Variants in DBF4B observed in about 807,000 individuals in gnomAD.
DBF4B encodes DBF4B-CDC7 kinase regulatory subunit.
A neutral mutation model predicts 53.4 loss-of-function variants in DBF4B; 49 were observed. The ratio of observed to expected loss-of-function variants is 0.92; its 90% CI spans 0.73 to 1.16. DBF4B has a LOEUF of 1.16. Among genes scored for constraint, DBF4B ranks in the 50% most tolerant of loss-of-function variants. The pLI is 0.00. For missense variants in DBF4B, 692 were observed against 775.0 expected, an observed-to-expected ratio of 0.89 and a Z score of 1.27; for synonymous variants, 257 against 288.7, an observed-to-expected ratio of 0.89 and a Z score of 1.11.
chr17:44,745,364 A>G (rs1976494185), intron 10 of DBF4B, among the ~76,000 whole-genome samples: 1 of 152,198 alleles, frequency 6.6e-6, no homozygotes, highest in South Asian at 2.1e-4. Flanking sequence ...GTCCATTTTC[A>G]TACTGCTATA....
At chr17:44,711,714 C>A (rs910082469) in intron 2 of DBF4B, among the ~76,000 whole-genome samples, 4 of 151,768 alleles carry the variant, frequency 2.6e-5, no homozygotes, top group Non-Finnish European at 5.9e-5. Context: ...TTTGGGAGGC[C>A]GAGGCAGGGG....
intron 2 of DBF4B, among the ~76,000 whole-genome samples, chr17:44,711,690 T>G (rs1387233153): frequency 6.6e-6 from 1 of 152,072 alleles, no homozygotes; most frequent in Non-Finnish European, 1.5e-5. Context: ...AGCTGACACC[T>G]GTAATCCCAG....
At chr17:44,711,586 C>T (rs537013732) in intron 2 of DBF4B, among the ~76,000 whole-genome samples, 62 of 151,786 alleles carry the variant, frequency 4.1e-4, no homozygotes, top group African/African-American at 1.3e-3. Flanking sequence ...CCAAGGCAGG[C>T]GGATCACCTG....
intron 2 of DBF4B, among the ~76,000 whole-genome samples, chr17:44,714,857 T>A (rs1973192625): frequency 1.3e-5 from 2 of 151,862 alleles, no homozygotes; most frequent in African/African-American, 4.8e-5. Context: ...CTTATTATTA[T>A]TATTTTTTTT....
chr17:44,730,916 T>C (rs1467926752), intron 4 of DBF4B, 49 bp from the exon 5 acceptor site: 1 of 1,604,434 alleles, frequency 6.2e-7, no homozygotes, highest in Non-Finnish European at 8.5e-7. Flanking sequence ...CATCTTTCAG[T>C]GCACAGGTGG....
At chr17:44,743,841 C>T (rs1057085045) in intron 10 of DBF4B, among the ~76,000 whole-genome samples, 1 of 151,334 alleles carries the variant, frequency 6.6e-6, no homozygotes, top group Admixed American at 6.6e-5. Context: ...AACTCCTGAC[C>T]TCGTGATCCA....
At chr17:44,746,248 A>G (rs953125591) in intron 10 of DBF4B, among the ~76,000 whole-genome samples, 4 of 150,920 alleles carry the variant, frequency 2.7e-5, no homozygotes, top group Admixed American at 6.6e-5. Flanking sequence ...AAAAAAAAAA[A>G]AAGAAGTCAG....
intron 12 of DBF4B, 122 bp downstream of exon 12, chr17:44,747,637 C>A (rs912720308): frequency 6.1e-6 from 8 of 1,317,362 alleles, no homozygotes; most frequent in Non-Finnish European, 8.2e-6. Flanking sequence ...TCTTTTCTCA[C>A]CTTCCTTTCC....
rs1164109493 is a variant in DBF4B at position 44,749,316 on chromosome 17, C to A, written c.1189+851C>A. Reference sequence around the variant, plus strand: ...CTGGCAGAGAGCTGCTCCTACGAGTCCCCAAGGTGCTTGGCTCTTCACAGG... The same window carrying A: ...CTGGCAGAGAGCTGCTCCTACGAGTACCCAAGGTGCTTGGCTCTTCACAGG... On this transcript the variant is annotated intron_variant, in intron 13 of 13. Transcript: ENST00000315005. This position sits in a 1 kb window ranked among gnomAD's most constrained non-coding sequence, Gnocchi z 4.4. 8.0e-5 allele frequency: 103 copies of A among 1,290,120 alleles called. No individual in the cohort carries two copies. Among genetic ancestry groups the A allele is most frequent in the Middle Eastern group, 4.3e-4 (2 of 4,696 alleles). The allele number at this position is 1,290,120 out of a possible 1,614,324, so 79.9% of individuals were successfully genotyped here. A position where few individuals can be genotyped will look rare whatever the true frequency, so the allele number is the denominator to read the frequency against.
chr17:44,729,683 T>TACAC (rs71361592), intron 3 of DBF4B, among the ~76,000 whole-genome samples: 11,870 of 138,074 alleles, frequency 0.086, 473 homozygotes, highest in Non-Finnish European at 0.11. Context: ...GTAATACACA[T>TACAC]ACACACACAC....
rs774736131 is a variant in DBF4B, at chr17:44,722,860, T to C, written c.83-20T>C. The C allele has an allele frequency of 3.7e-6, 6 of 1,612,066 alleles. No homozygotes were observed. In the South Asian group the frequency reaches 4.4e-5, roughly 12 times the overall value. On this transcript the variant is annotated intron_variant, in intron 2 of 13. Transcript: ENST00000315005. ...TCTCTTTTCAAACTTCTTACTTTGC[T>C]CCTCTTTATTGTTTTCTAGGAGTTT...
chr17:44,730,063 C>A lies in DBF4B; in HGVS notation c.384C>A (p.Ser128Arg), dbSNP rs1238328600. Residue 128 changes from serine (S) to arginine (R), a missense_variant, in exon 4 of 14, where the codon AGC (serine) becomes AGA (arginine). By Grantham distance (110) the Ser-to-Arg change is moderately radical. Transcript: ENST00000315005. ...ETSAMVDPKG[S>R]HPRPSRKPVD... is the part of the protein sequence containing the mutation. Reference sequence around the variant, plus strand: ...CGGCCATGGTTGATCCAAAAGGCAGCCACCCCAGGCCTTCACGGAAACCCG... The same window carrying A: ...CGGCCATGGTTGATCCAAAAGGCAGACACCCCAGGCCTTCACGGAAACCCG... The A allele has an allele frequency of 6.2e-7, 1 of 1,612,764 alleles. No individual in the cohort carries two copies. Among genetic ancestry groups the A allele is most frequent in the Non-Finnish European group, 8.5e-7 (1 of 1,180,014 alleles).
intron 12 of DBF4B, 133 bp downstream of exon 12, chr17:44,747,648 C>A: frequency 8.0e-7 from 1 of 1,257,586 alleles, no homozygotes; most frequent in South Asian, 1.5e-5. Context: ...CTTCCTTTCC[C>A]CTTATCCTCA....
In DBF4B at chr17:44,747,424, C is replaced by G. The variant is rs1209319971; in HGVS notation, c.973C>G (p.Leu325Val). The part of the protein sequence containing the change: ...LQSAQHRSFA[L>V]EAHLYAEVDR... ...GAGTGCCCAGCACCGGAGCTTTGCC[C>G]TGGAAGCCCATCTATATGCAGAAGT... The change falls in exon 12 of 14, where the codon CTG becomes GTG. Residue 325 changes from leucine to valine, a missense_variant. Physicochemically the swap from Leu to Val is conservative, Grantham distance 32. This residue lies in a region of DBF4B where 597 missense variants were observed against 665.8 expected (regional missense o/e 0.90). Transcript: ENST00000315005. 6.2e-7 allele frequency: 1 copy of G among 1,614,058 alleles called. No homozygotes were observed.
intron 2 of DBF4B, among the ~76,000 whole-genome samples, chr17:44,717,757 G>A (rs1015744444): frequency 6.6e-6 from 1 of 151,136 alleles, no homozygotes; most frequent in Non-Finnish European, 1.5e-5. Flanking sequence ...GCTCATGCTT[G>A]TAATCCCAGC....
intron 10 of DBF4B, among the ~76,000 whole-genome samples, chr17:44,746,734 G>A (rs569566829): frequency 6.6e-6 from 1 of 151,564 alleles, no homozygotes; most frequent in African/African-American, 2.4e-5. Flanking sequence ...CAGGAGAATG[G>A]CTTGAGCCCA....
rs1220176785 is a variant in DBF4B at position 44,752,223 on chromosome 17, G to T, written c.*970G>T. 5.7e-6 allele frequency: 3 copies of T among 524,964 alleles called. No individual in the cohort carries two copies. The highest frequency in any genetic ancestry group is 1.0e-5 in the Non-Finnish European group (3 of 290,142). The allele number at this position is 524,964 out of a possible 1,614,324, so 32.5% of individuals were successfully genotyped here. A position where few individuals can be genotyped will look rare whatever the true frequency, so the allele number is the denominator to read the frequency against. On this transcript the variant is annotated 3_prime_UTR_variant, in exon 14 of 14. Transcript: ENST00000315005. ...TTTAAGTAAGGGGCTTGGATGAGATGATTTCAGGACCCTTTCCAATAATAA... is the reference window on the plus strand; with the variant it reads ...TTTAAGTAAGGGGCTTGGATGAGATTATTTCAGGACCCTTTCCAATAATAA...
chr17:44,739,965 A>G (rs1008522717), intron 9 of DBF4B, among the ~76,000 whole-genome samples: 1 of 152,172 alleles, frequency 6.6e-6, no homozygotes, highest in Non-Finnish European at 1.5e-5. Context: ...GGGTTTGGCC[A>G]TGTTGGCCTG....
At chr17:44,729,790 T>C (rs1023445548) in intron 3 of DBF4B, 115 bp from the exon 4 acceptor site, 3 of 1,119,838 alleles carry the variant, frequency 2.7e-6, no homozygotes, top group Non-Finnish European at 3.8e-6. Flanking sequence ...TTAGTCTATT[T>C]AAAGACATTG....
Sources: gnomAD v4.1 joint callset for allele counts (sites outside exome capture counted in the v4.1 genomes callset) on GRCh38, gnomAD v4.1.1 for gene constraint, gnomAD v4.1.1 regional missense constraint, Gnocchi (gnomAD v3.1) non-coding constraint, MANE v1.5 for transcripts, NCBI Gene and HGNC (gene_info 2026-07-23, HGNC 2026-07-21) for gene names.